NMU: variants seen among roughly 807,000 people sequenced by gnomAD.
NMU encodes neuromedin-U.
In NMU, 29 loss-of-function variants were observed where a neutral mutation model predicts 35.4. That is an observed-to-expected ratio of 0.82 (90% confidence interval 0.61 to 1.12). The LOEUF (loss-of-function observed/expected upper bound fraction) is 1.12, where lower values mean the gene tolerates loss of function less well. NMU is among the 50% of genes most tolerant of loss of function. The pLI is 0.00. For synonymous variants in NMU, 78 were observed against 81.3 expected (o/e 0.96, Z 0.22); for missense variants, 199 against 206.2 (o/e 0.97, Z 0.21).
At chr4:55,597,119 G>A (rs1037301703) in intron 9 of NMU, among the ~76,000 whole-genome samples, 4 of 151,934 alleles carry the variant, frequency 2.6e-5, no homozygotes, top group African/African-American at 9.7e-5. Context: ...GATGAATACT[G>A]TTTAATAATA....
chr4:55,614,551 T>G (rs569419862), intron 3 of NMU, among the ~76,000 whole-genome samples: 2 of 152,324 alleles, frequency 1.3e-5, no homozygotes, highest in East Asian at 3.9e-4. Flanking sequence ...AAATTAGGTT[T>G]TAATGCATAG....
At chr4:55,625,535 A>T (rs531464713) in intron 2 of NMU, among the ~76,000 whole-genome samples, 1 of 152,232 alleles carries the variant, frequency 6.6e-6, no homozygotes, top group East Asian at 1.9e-4. Context: ...CTTAGCATCT[A>T]TCTTATCTTT....
chr4:55,598,494 G>C (rs1733294280), intron 9 of NMU, among the ~76,000 whole-genome samples: 1 of 152,100 alleles, frequency 6.6e-6, no homozygotes, highest in Non-Finnish European at 1.5e-5. Flanking sequence ...ATTTGGGTTT[G>C]ATTTCAACTT....
At position 55,604,017 on chromosome 4, in the gene NMU, G is replaced by GTATATATGTATATATACATGTA. The variant is rs1553909831; in HGVS notation, c.435+1257_435+1258insTACATGTATATATACATATATA. Among the ~76,000 whole-genome samples the GTATATATGTATATATACATGTA allele has an allele frequency of 7.8e-5, 2 of 25,774 alleles. 1 individual carries two copies. Among genetic ancestry groups the GTATATATGTATATATACATGTA allele is most frequent in the Non-Finnish European group, 1.4e-4 (2 of 13,882 alleles). 16.9% of individuals were successfully genotyped at this position (25,774 alleles called of 152,430 possible). ...TATATACGTATATATGTATATATGT[G>GTATATATGTATATATACATGTA]TATATATATAATCCTAGAAATTATC... is the stretch of plus-strand genomic sequence containing the variant. On this transcript the variant is annotated intron_variant, in intron 7 of 9. Transcript: ENST00000264218.
At chr4:55,619,608 A>G (rs1422613994) in intron 2 of NMU, among the ~76,000 whole-genome samples, 1 of 125,794 alleles carries the variant, frequency 7.9e-6, no homozygotes, top group East Asian at 2.3e-4. Context: ...GCCATTGCCC[A>G]GGCTTGCTTA....
At chr4:55,632,729 T>A (rs1715669247) in intron 1 of NMU, among the ~76,000 whole-genome samples, 1 of 152,180 alleles carries the variant, frequency 6.6e-6, no homozygotes, top group South Asian at 2.1e-4. Context: ...CTAATTTTTA[T>A]TCTTATACTT....
At chr4:55,634,685 G>A (rs926510460) in intron 1 of NMU, among the ~76,000 whole-genome samples, 1 of 152,104 alleles carries the variant, frequency 6.6e-6, no homozygotes, top group Non-Finnish European at 1.5e-5. Flanking sequence ...TCCTTAAGAA[G>A]GCAGATAAAG....
intron 7 of NMU, among the ~76,000 whole-genome samples, chr4:55,603,850 T>C (rs1733528086): frequency 1.4e-5 from 2 of 142,898 alleles, no homozygotes; most frequent in South Asian, 4.4e-4. Context: ...GGGCGGAGCT[T>C]GCAGTGAGCC....
intron 6 of NMU, among the ~76,000 whole-genome samples, chr4:55,605,562 T>G (rs1733647869): frequency 6.6e-6 from 1 of 152,250 alleles, no homozygotes; most frequent in Non-Finnish European, 1.5e-5. Context: ...AGCTCTACGC[T>G]GGGATTTTTA....
At chr4:55,635,822 C>T (rs1419643060) in intron 1 of NMU, among the ~76,000 whole-genome samples, 1 of 152,240 alleles carries the variant, frequency 6.6e-6, no homozygotes, top group African/African-American at 2.4e-5. Context: ...GCAGCCGGCC[C>T]GGCGCAGGGT....
chr4:55,619,392 G>C (rs1165144052), intron 2 of NMU, among the ~76,000 whole-genome samples: 1 of 127,120 alleles, frequency 7.9e-6, no homozygotes. Flanking sequence ...CCGAGTCAAA[G>C]AAAGGGGTGA....
intron 9 of NMU, among the ~76,000 whole-genome samples, chr4:55,598,322 C>T (rs1733284636): frequency 1.3e-5 from 2 of 152,050 alleles, no homozygotes; most frequent in Admixed American, 1.3e-4. Flanking sequence ...ATCCTCGTGC[C>T]CTAGCCTCCC....
chr4:55,626,770 T>G (rs187549092), intron 2 of NMU, among the ~76,000 whole-genome samples: 1 of 152,290 alleles, frequency 6.6e-6, no homozygotes, highest in African/African-American at 2.4e-5. Flanking sequence ...TTCCATGTAG[T>G]CCTTTGCTGA....
Position 55,604,017 on chromosome 4 carries a change from G to GTA in NMU, c.435+1256_435+1257dup, listed in dbSNP as rs1553909830. 3.8e-3 allele frequency among the ~76,000 whole-genome samples: 99 copies of GTA among 25,740 alleles called. 28 individuals are homozygous for GTA. Among genetic ancestry groups the GTA allele is most frequent in the Non-Finnish European group, 5.9e-3 (82 of 13,846 alleles). The allele number at this position is 25,740 out of a possible 152,430, so 16.9% of individuals were successfully genotyped here. A position where few individuals can be genotyped will look rare whatever the true frequency, so the allele number is the denominator to read the frequency against. ...TATATACGTATATATGTATATATGT[G>GTA]TATATATATAATCCTAGAAATTATC... On this transcript the variant is annotated intron_variant, in intron 7 of 9. Coordinates refer to ENST00000264218, the MANE Select transcript of NMU (RefSeq NM_006681.4).
chr4:55,605,089 C>T lies in NMU; in HGVS notation c.435+186G>A, dbSNP rs114510692. 7.8e-3 allele frequency among the ~76,000 whole-genome samples: 1,184 copies of T among 152,180 alleles called. 22 individuals are homozygous for T. The highest frequency in any genetic ancestry group is 0.027 in the African/African-American group (1,127 of 41,512). ...AGAAGGGACACAATATTGCAGGGGG[C>T]CATGGAAGGGCGGCTTGAACAATTC... On this transcript the variant is annotated intron_variant, in intron 7 of 9. Coordinates refer to ENST00000264218, the MANE Select transcript of NMU (RefSeq NM_006681.4).
rs1212121228 is a variant in NMU, at chr4:55,630,388, T to A, written c.171+14A>T. On this transcript the variant is annotated intron_variant, in intron 2 of 9. Coordinates refer to ENST00000264218, the MANE Select transcript of NMU (RefSeq NM_006681.4). Reference sequence around the variant, plus strand: ...GTAAAGTTTCTACAAATTTGTGTGATGATAGTTCCTTACCTCATTCCACAA... The same window carrying A: ...GTAAAGTTTCTACAAATTTGTGTGAAGATAGTTCCTTACCTCATTCCACAA... 1.3e-6 allele frequency: 2 copies of A among 1,596,108 alleles called. No individual in the cohort carries two copies. Among genetic ancestry groups the A allele is most frequent in the Non-Finnish European group, 1.7e-6 (2 of 1,163,900 alleles).
intron 3 of NMU, among the ~76,000 whole-genome samples, chr4:55,613,903 A>T (rs779531711): frequency 2.6e-5 from 4 of 152,248 alleles, no homozygotes; most frequent in Non-Finnish European, 4.4e-5. Context: ...GAAGAAACCC[A>T]GCCACAGAAG....
chr4:55,596,208 A>C (rs1733173813), intron 9 of NMU, among the ~76,000 whole-genome samples: 1 of 152,176 alleles, frequency 6.6e-6, no homozygotes, highest in Non-Finnish European at 1.5e-5. Context: ...GGATAGAGAA[A>C]GGCCTTAGAA....
chr4:55,626,454 T>C (rs1734533119), intron 2 of NMU, among the ~76,000 whole-genome samples: 1 of 152,192 alleles, frequency 6.6e-6, no homozygotes, highest in Non-Finnish European at 1.5e-5. Flanking sequence ...CCTGTAATTC[T>C]AGCACTTTGG....
Sources: gnomAD v4.1 joint callset for allele counts (sites outside exome capture counted in the v4.1 genomes callset) on GRCh38, gnomAD v4.1.1 for gene constraint, MANE v1.5 for transcripts, NCBI Gene and HGNC (gene_info 2026-07-23, HGNC 2026-07-21) for gene names.